RFX3: variants seen among roughly 807,000 people sequenced by gnomAD.
RFX3 encodes regulatory factor X3, also known as transcription factor RFX3.
Under a neutral mutation model 98.6 loss-of-function variants are expected in RFX3, and 14 were observed. That is an observed-to-expected ratio of 0.14 (90% CI 0.09 to 0.22). The LOEUF (loss-of-function observed/expected upper bound fraction) is 0.22. Ranked by LOEUF, RFX3 falls within the 10% of genes least tolerant of loss-of-function variation. The pLI is 1.00. For missense variants in RFX3, 639 were observed against 926.9 expected (o/e 0.69, Z 4.03); for synonymous variants, 383 against 328.4 (o/e 1.17, Z -1.80).
intron 1 of RFX3, among the ~76,000 whole-genome samples, chr9:3,517,506 T>C (rs539756161): frequency 1.3e-5 from 2 of 152,318 alleles, no homozygotes; most frequent in Non-Finnish European, 1.5e-5. Context: ...ACCTCATTTT[T>C]GCCTAAACAG....
At chr9:3,256,839 G>A (rs1412190566) in intron 14 of RFX3, 152 bp downstream of exon 14, 2 of 689,494 alleles carry the variant, frequency 2.9e-6, no homozygotes, top group Non-Finnish European at 5.0e-6. Flanking sequence ...TGTAATCACT[G>A]AGTTGGGTTG....
In RFX3 at chr9:3,228,217, C is replaced by T. The variant is rs117089722; in HGVS notation, c.2011+630G>A. On this transcript the variant is annotated intron_variant, in intron 16 of 16. Transcript: ENST00000617270. ...GTGGGTAAGATTTGTGTGCTCTATCCGCATTCTATCTCCCCCTAAGTCCAC... is the reference window on the plus strand; with the variant it reads ...GTGGGTAAGATTTGTGTGCTCTATCTGCATTCTATCTCCCCCTAAGTCCAC... Among the ~76,000 whole-genome samples, 29 of 152,230 alleles carry T rather than the reference C, an allele frequency of 1.9e-4. No individual in the cohort carries two copies. The East Asian group carries it at 1.9e-3, about 10-fold the overall frequency.
chr9:3,271,545 TTC>T (rs1016116114), intron 9 of RFX3, among the ~76,000 whole-genome samples: 1 of 55,524 alleles, frequency 1.8e-5, no homozygotes, highest in African/African-American at 4.7e-5. Flanking sequence ...CTCTTTCTCT[TTC>T]TCTCTTTCTC....
chr9:3,247,493 G>C, intron 15 of RFX3: 1 of 705,240 alleles, frequency 1.4e-6, no homozygotes, highest in Non-Finnish European at 1.8e-6. Flanking sequence ...AAAGTAGAAC[G>C]TATCTCAAAG....
chr9:3,369,995 A>ATT (rs71324244), intron 2 of RFX3, among the ~76,000 whole-genome samples: 5,634 of 132,488 alleles, frequency 0.043, 406 homozygotes, highest in African/African-American at 0.14. Context: ...CGCCCGGCTA[A>ATT]TTTTTTTTTT....
intron 5 of RFX3, among the ~76,000 whole-genome samples, chr9:3,294,974 AG>A (rs1385867181): frequency 6.6e-6 from 1 of 152,156 alleles, no homozygotes; most frequent in Non-Finnish European, 1.5e-5. Context: ...ATGACATAAA[AG>A]TATTACAGGC....
chr9:3,490,373 G>C, intron 1 of RFX3: 1 of 908,630 alleles, frequency 1.1e-6, no homozygotes, highest in Non-Finnish European at 1.3e-6. Context: ...AGAACAATTA[G>C]TTCACATTAA....
At chr9:3,425,473 C>T (rs1587631569) in intron 1 of RFX3, among the ~76,000 whole-genome samples, 1 of 152,288 alleles carries the variant, frequency 6.6e-6, no homozygotes, top group East Asian at 1.9e-4. Context: ...TATGATTCAA[C>T]ATTTTAAAAT....
At chr9:3,252,040 G>T (rs1372045588) in intron 14 of RFX3, among the ~76,000 whole-genome samples, 2 of 152,128 alleles carry the variant, frequency 1.3e-5, no homozygotes, top group Non-Finnish European at 2.9e-5. Context: ...TAGAGACGGG[G>T]TTTCTCCATG....
At chr9:3,521,433 AT>A (rs1196713047) in intron 1 of RFX3, among the ~76,000 whole-genome samples, 1 of 152,118 alleles carries the variant, frequency 6.6e-6, no homozygotes, top group Non-Finnish European at 1.5e-5. Context: ...ATAATTAAAA[AT>A]TTTTTTCTTT....
chr9:3,456,791 C>T (rs1423249192), intron 1 of RFX3, among the ~76,000 whole-genome samples: 1 of 152,128 alleles, frequency 6.6e-6, no homozygotes, highest in African/African-American at 2.4e-5. Context: ...TCCTAGGAAG[C>T]CCATGTGGTC....
chr9:3,383,505 A>G (rs1301386887), intron 2 of RFX3, among the ~76,000 whole-genome samples: 1 of 152,120 alleles, frequency 6.6e-6, no homozygotes, highest in African/African-American at 2.4e-5. Flanking sequence ...GTAGAGCTTA[A>G]GAGCTCATGA....
At chr9:3,386,289 C>CCT (rs1444945534) in intron 2 of RFX3, among the ~76,000 whole-genome samples, 1 of 151,868 alleles carries the variant, frequency 6.6e-6, no homozygotes, top group Non-Finnish European at 1.5e-5. Flanking sequence ...ATGAATTCTA[C>CCT]TACTATTACT....
chr9:3,340,300 C>A (rs1041042101), intron 3 of RFX3, among the ~76,000 whole-genome samples: 8 of 152,136 alleles, frequency 5.3e-5, no homozygotes, highest in Admixed American at 3.9e-4. Flanking sequence ...CATAAAAACC[C>A]TAGAAGAAAA....
chr9:3,504,951 T>TATATTATATATAATATATCTTATATA (rs1564185977), intron 1 of RFX3, among the ~76,000 whole-genome samples: 36 of 59,712 alleles, frequency 6.0e-4, no homozygotes, highest in African/African-American at 2.6e-3. Flanking sequence ...TATAATATAA[T>TATATTATATATAATATATCTTATATA]ATATATTATA....
At position 3,235,085 on chromosome 9, in the gene RFX3, C is replaced by T. The variant is rs545492595; in HGVS notation, c.1969-6196G>A. The stretch of plus-strand genomic sequence containing the variant: ...AATTGTACGCATTCGTGGATGAAGA[C>T]GGAAGAAGTCGAGAATGACAGAAAA... On this transcript the variant is annotated intron_variant, in intron 15 of 16. Coordinates refer to ENST00000617270, the MANE Select transcript of RFX3 (RefSeq NM_001282116.2). Among the ~76,000 whole-genome samples the T allele has an allele frequency of 3.9e-5, 6 of 152,264 alleles. No homozygotes were observed. In the South Asian group the frequency reaches 6.2e-4, roughly 16 times the overall value.
At chr9:3,490,073 G>T (rs1375770247) in intron 1 of RFX3, among the ~76,000 whole-genome samples, 1 of 151,880 alleles carries the variant, frequency 6.6e-6, no homozygotes, top group Non-Finnish European at 1.5e-5. Flanking sequence ...CTGTTTTCTT[G>T]AAAACATATA....
intron 2 of RFX3, among the ~76,000 whole-genome samples, chr9:3,372,156 A>T (rs899978144): frequency 2.0e-5 from 3 of 152,158 alleles, no homozygotes; most frequent in Non-Finnish European, 2.9e-5. Context: ...TTCTTTGCCT[A>T]CCATCACATT....
chr9:3,491,841 T>C (rs975533054), intron 1 of RFX3, among the ~76,000 whole-genome samples: 2 of 152,224 alleles, frequency 1.3e-5, no homozygotes, highest in Non-Finnish European at 2.9e-5. Context: ...ATTCAATTAT[T>C]CATTTAAGAA....
Sources: gnomAD v4.1 joint callset for allele counts (sites outside exome capture counted in the v4.1 genomes callset) on GRCh38, gnomAD v4.1.1 for gene constraint, MANE v1.5 for transcripts, NCBI Gene and HGNC (gene_info 2026-07-23, HGNC 2026-07-21) for gene names.